ZNF804A: variants seen among roughly 807,000 people sequenced by gnomAD.
The protein encoded by ZNF804A is zinc finger protein 804A.
In ZNF804A, 2 loss-of-function variants were observed where a neutral mutation model predicts 16.5. That is an observed-to-expected ratio of 0.12 (90% CI 0.05 to 0.38). The LOEUF (loss-of-function observed/expected upper bound fraction) is 0.38. Ranked by LOEUF, ZNF804A falls within the 10% of genes least tolerant of loss-of-function variation. The pLI, the probability that ZNF804A is intolerant of heterozygous loss-of-function variation, is 0.99. For missense variants in ZNF804A, 1,473 were observed against 1,390.7 expected, an observed-to-expected ratio of 1.06 and a Z score of -0.94; for synonymous variants, 534 against 489.6, an observed-to-expected ratio of 1.09 and a Z score of -1.20.
intron 2 of ZNF804A, 88 bp downstream of exon 2, chr2:184,866,600 T>A: frequency 8.9e-7 from 1 of 1,120,326 alleles, no homozygotes; most frequent in Non-Finnish European, 1.2e-6. Flanking sequence ...GATATGATAT[T>A]CTTATTTAAT....
chr2:184,671,353 C>T (rs1428980466), intron 1 of ZNF804A, among the ~76,000 whole-genome samples: 2 of 152,190 alleles, frequency 1.3e-5, no homozygotes, highest in Non-Finnish European at 2.9e-5. Context: ...ATAGAGAACT[C>T]TAGCCAGGGA....
At chr2:184,705,288 G>A (rs1324748481) in intron 1 of ZNF804A, among the ~76,000 whole-genome samples, 1 of 152,168 alleles carries the variant, frequency 6.6e-6, no homozygotes, top group East Asian at 1.9e-4. Flanking sequence ...TGACGTAGTG[G>A]TATTTGGAAT....
At chr2:184,719,032 G>T (rs1442900837) in intron 1 of ZNF804A, among the ~76,000 whole-genome samples, 1 of 152,172 alleles carries the variant, frequency 6.6e-6, no homozygotes, top group Non-Finnish European at 1.5e-5. Flanking sequence ...GCAAACTTCT[G>T]CCAGGGCATT....
At position 184,938,585 on chromosome 2, in the gene ZNF804A, C is replaced by A. The variant is rs760530896; in HGVS notation, c.3189C>A (p.Asn1063Lys). 3.7e-6 allele frequency: 6 copies of A among 1,614,084 alleles called. No homozygotes were observed. The highest frequency in any genetic ancestry group is 4.2e-6 in the Non-Finnish European group (5 of 1,180,000). Residue 1063 changes from asparagine (N) to lysine (K), a missense_variant, in exon 4 of 4, where the codon AAC becomes AAA. Asn to Lys is a moderately conservative substitution (Grantham distance 94). Transcript: ENST00000302277. ...QHILQPNMLANKVKFTFPPAA... is the reference protein window; with the variant it reads ...QHILQPNMLAKKVKFTFPPAA... The stretch of plus-strand genomic sequence containing the variant: ...TTCTGCAGCCAAACATGCTGGCCAA[C>A]AAGGTTAAATTTACCTTTCCTCCAG...
At chr2:184,813,236 T>C (rs1694928597) in intron 1 of ZNF804A, among the ~76,000 whole-genome samples, 1 of 152,072 alleles carries the variant, frequency 6.6e-6, no homozygotes, top group Non-Finnish European at 1.5e-5. Context: ...ACTATGATAA[T>C]TAAAAAAAAA....
intron 1 of ZNF804A, among the ~76,000 whole-genome samples, chr2:184,832,649 T>C (rs1695282804): frequency 6.6e-6 from 1 of 151,894 alleles, no homozygotes. Flanking sequence ...TTTTATACTT[T>C]TCATTCTTAA....
rs535728251 is a variant in ZNF804A, at chr2:184,782,017, G to T, written c.112-84352G>T. On this transcript the variant is annotated intron_variant, in intron 1 of 3. Coordinates refer to ENST00000302277, the MANE Select transcript of ZNF804A (RefSeq NM_194250.2). ...TCTTCACATCCTCTTCCCTCTGTAT[G>T]TATCTGTGTTCTAATCTCTTCTTTT... 7.9e-5 allele frequency among the ~76,000 whole-genome samples: 12 copies of T among 151,844 alleles called. 1 individual carries two copies. In the Middle Eastern group the frequency reaches 0.027, roughly 344 times the overall value.
At chr2:184,784,827 G>T (rs1416573793) in intron 1 of ZNF804A, among the ~76,000 whole-genome samples, 1 of 151,904 alleles carries the variant, frequency 6.6e-6, no homozygotes, top group African/African-American at 2.4e-5. Context: ...TATAAGCATT[G>T]TAAAAACAAC....
At chr2:184,688,344 CTGTG>C (rs58942655) in intron 1 of ZNF804A, among the ~76,000 whole-genome samples, 80 of 147,272 alleles carry the variant, frequency 5.4e-4, no homozygotes, top group East Asian at 1.6e-3. Flanking sequence ...CTCTCTCTTT[CTGTG>C]TGTGTGTGTG....
At position 184,598,912 on chromosome 2, in the gene ZNF804A, G is replaced by C. The variant is rs749048741; in HGVS notation, c.-48G>C. 11 of 1,345,060 alleles carry C rather than the reference G, an allele frequency of 8.2e-6. No individual in the cohort carries two copies. Among genetic ancestry groups the C allele is most frequent in the Middle Eastern group, 2.0e-4 (1 of 5,076 alleles). The allele number at this position is 1,345,060 out of a possible 1,614,324, so 83.3% of individuals were successfully genotyped here. On this transcript the variant is annotated 5_prime_UTR_variant, in exon 1 of 4. Transcript: ENST00000302277. ...CCCGGCGCGCTGCGGCTGTGGGCGC[G>C]GGGTGCGTGGAAGCGGCGGCTGCGG...
intron 1 of ZNF804A, among the ~76,000 whole-genome samples, chr2:184,755,933 T>G (rs777139429): frequency 2.0e-5 from 3 of 152,094 alleles, no homozygotes; most frequent in East Asian, 3.9e-4. Flanking sequence ...AAAGTCATTA[T>G]AAGTCTCAAA....
At chr2:184,870,777 T>C (rs1695963193) in intron 2 of ZNF804A, among the ~76,000 whole-genome samples, 1 of 151,986 alleles carries the variant, frequency 6.6e-6, no homozygotes, top group Non-Finnish European at 1.5e-5. Context: ...TAAACTTAGA[T>C]AAAACTATTT....
chr2:184,746,018 C>T (rs1236370191), intron 1 of ZNF804A, among the ~76,000 whole-genome samples: 1 of 151,202 alleles, frequency 6.6e-6, no homozygotes, highest in Non-Finnish European at 1.5e-5. Flanking sequence ...TTATTTTTTC[C>T]CCTAGAAAGG....
chr2:184,899,419 G>T (rs1685141261), intron 2 of ZNF804A, among the ~76,000 whole-genome samples: 1 of 151,932 alleles, frequency 6.6e-6, no homozygotes, highest in South Asian at 2.1e-4. Flanking sequence ...ACTGATGAAT[G>T]AAATTTGTGA....
chr2:184,771,412 G>A (rs1004784857), intron 1 of ZNF804A, among the ~76,000 whole-genome samples: 6 of 151,780 alleles, frequency 4.0e-5, no homozygotes, highest in African/African-American at 1.5e-4. Context: ...CTCCACAACA[G>A]GGCCTCATCA....
At chr2:184,736,816 G>A (rs1235898696) in intron 1 of ZNF804A, among the ~76,000 whole-genome samples, 1 of 148,346 alleles carries the variant, frequency 6.7e-6, no homozygotes, top group Non-Finnish European at 1.5e-5. Flanking sequence ...TAAATAATAA[G>A]TTTTTTCTCT....
intron 1 of ZNF804A, among the ~76,000 whole-genome samples, chr2:184,602,716 C>A (rs1402299318): frequency 2.6e-5 from 4 of 151,912 alleles, no homozygotes; most frequent in Admixed American, 2.6e-4. Context: ...ATTTGGTCAG[C>A]ATTTTAGTAT....
intron 1 of ZNF804A, among the ~76,000 whole-genome samples, chr2:184,745,108 A>AT (rs1236139697): frequency 1.3e-5 from 2 of 151,894 alleles, no homozygotes; most frequent in Admixed American, 1.3e-4. Flanking sequence ...TGCCTGCTGC[A>AT]TAAAAACATG....
chr2:184,925,404 A>T (rs1685594237), intron 2 of ZNF804A, among the ~76,000 whole-genome samples: 1 of 150,840 alleles, frequency 6.6e-6, no homozygotes, highest in Admixed American at 6.6e-5. Flanking sequence ...CCATCCTTTC[A>T]TTTTCACTCT....
Sources: allele counts gnomAD v4.1 joint callset (sites outside exome capture counted in the v4.1 genomes callset), GRCh38; gene constraint gnomAD v4.1.1; transcripts MANE v1.5; gene names NCBI Gene and HGNC (gene_info 2026-07-23, HGNC 2026-07-21).